GRIN2B: variants seen among roughly 807,000 people sequenced by gnomAD.
GRIN2B encodes glutamate ionotropic receptor NMDA type subunit 2B.
In GRIN2B, 5 loss-of-function variants were observed where a neutral mutation model predicts 114.5. The ratio of observed to expected loss-of-function variants is 0.04; its 90% CI spans 0.02 to 0.09. GRIN2B has a LOEUF of 0.09. GRIN2B is among the 10% of genes least tolerant of loss of function. GRIN2B has a pLI of 1.00. For synonymous variants in GRIN2B, 787 were observed against 745.1 expected, an observed-to-expected ratio of 1.06 and a Z score of -0.92; for missense variants, 1,108 against 1,943.5, an observed-to-expected ratio of 0.57 and a Z score of 8.08.
intron 10 of GRIN2B, among the ~76,000 whole-genome samples, chr12:13,572,401 A>G (rs983004925): frequency 2.0e-5 from 3 of 152,148 alleles, no homozygotes; most frequent in Non-Finnish European, 2.9e-5. Flanking sequence ...TATTTTGTCC[A>G]TAGGGCCTTA....
chr12:13,791,671 T>A (rs220554), intron 3 of GRIN2B, among the ~76,000 whole-genome samples: 148,568 of 152,202 alleles, frequency 0.98, 72,609 homozygotes, highest in Middle Eastern at 1. Context: ...AGGAATTTTT[T>A]AAATTAACTA....
rs1805497 is a variant in GRIN2B, at chr12:13,557,702, A to C, written c.*5081T>G. On this transcript the variant is annotated 3_prime_UTR_variant, in exon 14 of 14. Transcript: ENST00000609686. ...AATAAAAGCAGGCGGAGGCCAAAAT[A>C]TGGTTTAAATGTCTTTGCCATCTAG... 3.9e-5 allele frequency: 6 copies of C among 152,244 alleles called. No individual in the cohort carries two copies. The South Asian group carries it at 1.2e-3, about 31-fold the overall frequency. 9.4% of individuals were successfully genotyped at this position (152,244 alleles called of 1,614,324 possible).
chr12:13,902,446 G>T (rs1866467023), intron 2 of GRIN2B, among the ~76,000 whole-genome samples: 1 of 151,892 alleles, frequency 6.6e-6, no homozygotes, highest in South Asian at 2.1e-4. Flanking sequence ...TTTAAAAAAT[G>T]AACCAAAAAA....
chr12:13,929,522 C>T (rs1866982681), intron 2 of GRIN2B, among the ~76,000 whole-genome samples: 2 of 152,266 alleles, frequency 1.3e-5, no homozygotes, highest in Admixed American at 1.3e-4. Context: ...AAGAAGATTT[C>T]CATTAGTGCT....
At chr12:13,649,774 G>GTATGA (rs1260609969) in intron 5 of GRIN2B, among the ~76,000 whole-genome samples, 1 of 152,032 alleles carries the variant, frequency 6.6e-6, no homozygotes, top group Admixed American at 6.6e-5. Context: ...TAACTAAGTG[G>GTATGA]TATGACCTTG....
At chr12:13,833,876 A>G (rs1197223769) in intron 3 of GRIN2B, among the ~76,000 whole-genome samples, 1 of 152,156 alleles carries the variant, frequency 6.6e-6, no homozygotes, top group African/African-American at 2.4e-5. Context: ...TACAGATGAA[A>G]AAAAAATGAA....
At chr12:13,789,902 A>G (rs1864289419) in intron 3 of GRIN2B, among the ~76,000 whole-genome samples, 2 of 152,148 alleles carry the variant, frequency 1.3e-5, no homozygotes, top group Non-Finnish European at 2.9e-5. Context: ...AAAATGTGCA[A>G]GGGCCCCAGA....
chr12:13,852,141 C>A (rs2136729010), intron 3 of GRIN2B, among the ~76,000 whole-genome samples: 1 of 152,318 alleles, frequency 6.6e-6, no homozygotes, highest in Admixed American at 6.5e-5. Flanking sequence ...GCCAGGAATC[C>A]TCAGTTCAAG....
intron 5 of GRIN2B, among the ~76,000 whole-genome samples, chr12:13,619,382 A>G (rs908612535): frequency 4.6e-5 from 7 of 152,248 alleles, no homozygotes; most frequent in African/African-American, 1.7e-4. Context: ...ATATGGGGTG[A>G]AGGGAAGGTA....
intron 10 of GRIN2B, among the ~76,000 whole-genome samples, chr12:13,583,704 C>T (rs1192284082): frequency 1.3e-5 from 2 of 152,104 alleles, no homozygotes; most frequent in East Asian, 3.9e-4. Context: ...CAAGTTTATC[C>T]AGGCAAAGAG....
At chr12:13,675,927 T>C in intron 4 of GRIN2B, 68 bp from the exon 5 acceptor site, 1 of 871,904 alleles carries the variant, frequency 1.1e-6, no homozygotes, top group Non-Finnish European at 2.0e-6. Context: ...GGCAGTCAGG[T>C]ATATAGAGAG....
intron 2 of GRIN2B, among the ~76,000 whole-genome samples, chr12:13,928,029 AG>A (rs1192102846): frequency 6.6e-6 from 1 of 150,590 alleles, no homozygotes. Flanking sequence ...AAAAAGTTGG[AG>A]GCCAGGCGCA....
intron 4 of GRIN2B, among the ~76,000 whole-genome samples, chr12:13,746,704 G>A (rs1863390560): frequency 6.6e-6 from 1 of 152,186 alleles, no homozygotes; most frequent in Admixed American, 6.5e-5. Context: ...GAGCCAGTGG[G>A]AGGTGTTTGT....
intron 3 of GRIN2B, among the ~76,000 whole-genome samples, chr12:13,760,168 A>T (rs757280777): frequency 2.2e-4 from 33 of 152,222 alleles, no homozygotes; most frequent in Non-Finnish European, 4.6e-4. Flanking sequence ...CAGATGGACT[A>T]CATGATTACT....
At chr12:13,966,933 T>C (rs1437309321) in intron 2 of GRIN2B, among the ~76,000 whole-genome samples, 2 of 152,146 alleles carry the variant, frequency 1.3e-5, no homozygotes, top group African/African-American at 4.8e-5. Context: ...GCACTATGAC[T>C]CCTGAGTTCT....
chr12:13,714,971 G>A (rs1950442767), intron 4 of GRIN2B, among the ~76,000 whole-genome samples: 1 of 151,848 alleles, frequency 6.6e-6, no homozygotes, highest in Non-Finnish European at 1.5e-5. Context: ...AAAATTAGGT[G>A]CCAACCACCT....
intron 3 of GRIN2B, among the ~76,000 whole-genome samples, chr12:13,761,805 T>C (rs1863684987): frequency 6.6e-6 from 1 of 151,850 alleles, no homozygotes; most frequent in Non-Finnish European, 1.5e-5. Flanking sequence ...GGCAGGAAAA[T>C]AGGAAAGGTT....
intron 10 of GRIN2B, among the ~76,000 whole-genome samples, chr12:13,597,851 T>C (rs2136450699): frequency 6.6e-6 from 1 of 152,334 alleles, no homozygotes; most frequent in Admixed American, 6.5e-5. Context: ...AGTTTAATAG[T>C]AGGCTTGGCA....
chr12:13,865,549 T>C (rs530342854), intron 3 of GRIN2B, among the ~76,000 whole-genome samples: 41 of 152,190 alleles, frequency 2.7e-4, no homozygotes, highest in African/African-American at 9.4e-4. Flanking sequence ...GGAGAATCAC[T>C]TGAACCTGGG....
Sources: gnomAD v4.1 joint callset for allele counts (sites outside exome capture counted in the v4.1 genomes callset) on GRCh38, gnomAD v4.1.1 for gene constraint, MANE v1.5 for transcripts, NCBI Gene and HGNC (gene_info 2026-07-23, HGNC 2026-07-21) for gene names.